The following PPM1E variants were observed in gnomAD, a reference collection of about 807,000 sequenced individuals.
PPM1E encodes protein phosphatase, Mg2+/Mn2+ dependent 1E, also known as protein phosphatase 1E.
PPM1E carries 20 observed loss-of-function variants against 65.9 expected under a neutral mutation model. That is an observed-to-expected ratio of 0.30 (90% CI 0.21 to 0.44). The LOEUF is 0.44. PPM1E is among the 20% of genes least tolerant of loss of function. The pLI is 1.00. For missense variants in PPM1E, 713 were observed against 953.1 expected (o/e 0.75, Z 3.32); for synonymous variants, 352 against 374.9 (o/e 0.94, Z 0.70).
At chr17:58,881,666 A>T (rs1468080144) in intron 1 of PPM1E, among the ~76,000 whole-genome samples, 2 of 151,862 alleles carry the variant, frequency 1.3e-5, no homozygotes, top group African/African-American at 4.8e-5. Context: ...ATCTCAAAAA[A>T]ACAAAAAACA....
chr17:58,922,505 C>T lies in PPM1E; in HGVS notation c.465-33144C>T, dbSNP rs531350619. On this transcript the variant is annotated intron_variant, in intron 1 of 6. Transcript: ENST00000308249. ...CTGGCTTCAAGCAATCCTCCTACTTCAGTCTCCTAAAGTGTTGGGATTGCA... is the reference window on the plus strand; with the variant it reads ...CTGGCTTCAAGCAATCCTCCTACTTTAGTCTCCTAAAGTGTTGGGATTGCA... 2.6e-5 allele frequency among the ~76,000 whole-genome samples: 4 copies of T among 152,182 alleles called. No individual in the cohort carries two copies. In the East Asian group the frequency reaches 7.7e-4, roughly 29 times the overall value.
intron 1 of PPM1E, among the ~76,000 whole-genome samples, chr17:58,798,444 C>T (rs1033533298): frequency 6.6e-6 from 1 of 150,608 alleles, no homozygotes; most frequent in African/African-American, 2.4e-5. Flanking sequence ...AGACTGGTCT[C>T]GAACTTCTGA....
chr17:58,863,574 G>T (rs2050965850), intron 1 of PPM1E, among the ~76,000 whole-genome samples: 1 of 152,204 alleles, frequency 6.6e-6, no homozygotes, highest in Non-Finnish European at 1.5e-5. Flanking sequence ...GCCAGTGAGG[G>T]CAAAGGGCCA....
intron 1 of PPM1E, among the ~76,000 whole-genome samples, chr17:58,816,883 C>CCT (rs1301432344): frequency 1.3e-5 from 2 of 149,250 alleles, no homozygotes; most frequent in Non-Finnish European, 3.0e-5. Flanking sequence ...GCAACCTCCA[C>CCT]CTCCCAGGCC....
At chr17:58,872,756 G>A (rs546077151) in intron 1 of PPM1E, among the ~76,000 whole-genome samples, 1 of 152,302 alleles carries the variant, frequency 6.6e-6, no homozygotes, top group Non-Finnish European at 1.5e-5. Flanking sequence ...GGGAGCAAGT[G>A]TTCCAAAGTG....
Position 58,859,624 on chromosome 17 carries a change from A to G in PPM1E, c.465-96025A>G, listed in dbSNP as rs1373425212. Among the ~76,000 whole-genome samples the G allele has an allele frequency of 2.0e-5, 3 of 152,236 alleles. No individual in the cohort carries two copies. The East Asian group carries it at 5.8e-4, about 29-fold the overall frequency. On this transcript the variant is annotated intron_variant, in intron 1 of 6. Coordinates refer to ENST00000308249, the MANE Select transcript of PPM1E (RefSeq NM_014906.5). ...GACTTTGTGACTCAAGTCAGGCTAC[A>G]TAGCTGCATCTTCAGTTAAAGTATT...
intron 1 of PPM1E, among the ~76,000 whole-genome samples, chr17:58,794,888 C>CTTTT (rs35841208): frequency 7.6e-6 from 1 of 131,594 alleles, no homozygotes; most frequent in Non-Finnish European, 1.6e-5. Context: ...GTACATGTGT[C>CTTTT]TTTTTTTTTT....
At chr17:58,858,381 G>A (rs1567855375) in intron 1 of PPM1E, among the ~76,000 whole-genome samples, 2 of 152,062 alleles carry the variant, frequency 1.3e-5, no homozygotes, top group Non-Finnish European at 2.9e-5. Context: ...TCATCCTGCA[G>A]TGATACAGAA....
chr17:58,827,915 A>T (rs930855525), intron 1 of PPM1E, among the ~76,000 whole-genome samples: 3 of 95,454 alleles, frequency 3.1e-5, no homozygotes, highest in Non-Finnish European at 4.4e-5. Flanking sequence ...AAAAAAAAAT[A>T]ATAATAATAA....
At chr17:58,969,296 T>TA (rs2030448176) in intron 3 of PPM1E, among the ~76,000 whole-genome samples, 1 of 152,192 alleles carries the variant, frequency 6.6e-6, no homozygotes, top group Admixed American at 6.5e-5. Context: ...AGAGGGCACT[T>TA]CAGCTTGAGC....
intron 1 of PPM1E, among the ~76,000 whole-genome samples, chr17:58,906,252 C>T (rs1208902538): frequency 6.6e-6 from 1 of 152,126 alleles, no homozygotes; most frequent in Admixed American, 6.6e-5. Flanking sequence ...CTTAGTTAGC[C>T]TGGCTAGAGG....
intron 1 of PPM1E, among the ~76,000 whole-genome samples, chr17:58,805,452 G>A (rs1224715021): frequency 1.3e-5 from 2 of 152,018 alleles, no homozygotes; most frequent in Admixed American, 1.3e-4. Context: ...GTTTCTCCAT[G>A]TTGGTCAGGC....
At chr17:58,956,455 A>AC (rs113690407) in intron 2 of PPM1E, among the ~76,000 whole-genome samples, 56,883 of 146,108 alleles carry the variant, frequency 0.39, 10,967 homozygotes, top group Middle Eastern at 0.51. Flanking sequence ...CAAAAAACAA[A>AC]AAACAAAAAA....
intron 1 of PPM1E, among the ~76,000 whole-genome samples, chr17:58,821,767 AG>A (rs1458791358): frequency 6.6e-6 from 1 of 152,192 alleles, no homozygotes; most frequent in Non-Finnish European, 1.5e-5. Flanking sequence ...GGTTGGAGAA[AG>A]GGTTTTCCTG....
chr17:58,841,873 A>G (rs1046767924), intron 1 of PPM1E, among the ~76,000 whole-genome samples: 14 of 152,022 alleles, frequency 9.2e-5, no homozygotes, highest in African/African-American at 2.9e-4. Context: ...ACGCCTGGCT[A>G]ATTTTTGTAT....
intron 1 of PPM1E, chr17:58,785,650 G>C (rs930166862): frequency 2.6e-5 from 4 of 151,320 alleles, no homozygotes; most frequent in Non-Finnish European, 5.9e-5. Flanking sequence ...AAAAACTATG[G>C]AAGATAGGAG....
chr17:58,793,627 A>G (rs1478586664), intron 1 of PPM1E, among the ~76,000 whole-genome samples: 3 of 152,108 alleles, frequency 2.0e-5, no homozygotes. Context: ...AAGTGCTGGG[A>G]TTACAAGCAT....
chr17:58,900,083 G>GCAAA (rs2051480175), intron 1 of PPM1E, among the ~76,000 whole-genome samples: 1 of 151,950 alleles, frequency 6.6e-6, no homozygotes, highest in Non-Finnish European at 1.5e-5. Flanking sequence ...CAAAGAAAGT[G>GCAAA]GTTTCTTAAC....
intron 1 of PPM1E, among the ~76,000 whole-genome samples, chr17:58,804,806 T>C (rs901820010): frequency 1.3e-5 from 2 of 152,218 alleles, no homozygotes; most frequent in African/African-American, 4.8e-5. Context: ...TCATATTTTG[T>C]TACATAGAAT....
Sources: allele counts gnomAD v4.1 joint callset (sites outside exome capture counted in the v4.1 genomes callset), GRCh38; gene constraint gnomAD v4.1.1; transcripts MANE v1.5; gene names NCBI Gene and HGNC (gene_info 2026-07-23, HGNC 2026-07-21).